Variants in PTPRT observed in about 807,000 individuals in gnomAD.
PTPRT encodes the protein receptor-type tyrosine-protein phosphatase T.
Under a neutral mutation model 176.8 loss-of-function variants are expected in PTPRT, and 56 were observed. That is an observed-to-expected ratio of 0.32 (90% CI 0.26 to 0.40). The LOEUF (loss-of-function observed/expected upper bound fraction) is 0.40, where lower values mean the gene tolerates loss of function less well. PTPRT is among the 10% of genes least tolerant of loss of function. The probability of loss-of-function intolerance (pLI) is 1.00; values close to 1 mark genes in which losing one functional copy is unlikely to be tolerated. For synonymous variants in PTPRT, 783 were observed against 739.0 expected (o/e 1.06, Z -0.96); for missense variants, 1,540 against 1,908.2 (o/e 0.81, Z 3.60).
intron 1 of PTPRT, among the ~76,000 whole-genome samples, chr20:42,970,415 C>G (rs534138872): frequency 1.3e-5 from 2 of 152,244 alleles, no homozygotes; most frequent in East Asian, 3.9e-4. Flanking sequence ...CAAATTATCA[C>G]ATTTTCTCAC....
At chr20:43,121,489 TTGTC>T (rs149845971) in intron 1 of PTPRT, among the ~76,000 whole-genome samples, 4,595 of 152,336 alleles carry the variant, frequency 0.03, 87 homozygotes, top group South Asian at 0.08. Context: ...CACAGGCATT[TTGTC>T]TGTATCAGTT....
intron 9 of PTPRT, among the ~76,000 whole-genome samples, chr20:42,421,727 TA>T (rs2059120727): frequency 6.6e-6 from 1 of 151,976 alleles, no homozygotes; most frequent in South Asian, 2.1e-4. Flanking sequence ...ATGGAACCAC[TA>T]AAAACCCTGA....
At chr20:42,277,571 A>C (rs923367963) in intron 13 of PTPRT, among the ~76,000 whole-genome samples, 3 of 152,182 alleles carry the variant, frequency 2.0e-5, no homozygotes, top group Non-Finnish European at 4.4e-5. Context: ...TGGTAGACAG[A>C]ATCTATTTGA....
chr20:42,625,669 T>C (rs1408990583), intron 7 of PTPRT, among the ~76,000 whole-genome samples: 2 of 151,940 alleles, frequency 1.3e-5, no homozygotes, highest in Non-Finnish European at 2.9e-5. Context: ...GAGTCTATAA[T>C]TCTCAGAGGA....
intron 2 of PTPRT, among the ~76,000 whole-genome samples, chr20:42,850,557 G>T (rs1779851518): frequency 6.6e-6 from 1 of 152,182 alleles, no homozygotes; most frequent in Admixed American, 6.5e-5. Flanking sequence ...TTCTACAGGC[G>T]AGTCTTTTGG....
At chr20:42,869,196 A>T (rs1393553044) in intron 2 of PTPRT, among the ~76,000 whole-genome samples, 1 of 152,018 alleles carries the variant, frequency 6.6e-6, no homozygotes, top group African/African-American at 2.4e-5. Flanking sequence ...ACTGCAGAGA[A>T]CCCCTATTAG....
chr20:42,581,393 G>A (rs1222938587), intron 7 of PTPRT, among the ~76,000 whole-genome samples: 1 of 152,130 alleles, frequency 6.6e-6, no homozygotes, highest in Non-Finnish European at 1.5e-5. Flanking sequence ...TCTCCCACAT[G>A]AAAATGTAAG....
intron 14 of PTPRT, 91 bp from the exon 15 acceptor site, chr20:42,236,349 T>A: frequency 8.8e-7 from 1 of 1,135,588 alleles, no homozygotes; most frequent in Non-Finnish European, 1.3e-6. Context: ...TTTAATGAAA[T>A]CTTGATTCTT....
Position 42,073,315 on chromosome 20 carries a change from T to C in PTPRT, c.*7564A>G, listed in dbSNP as rs914129097. On this transcript the variant is annotated 3_prime_UTR_variant, in exon 31 of 31. Transcript: ENST00000373187. The stretch of plus-strand genomic sequence containing the variant: ...AAGTGCTTTTGAGTATGATTACCAA[T>C]ATGGGTTAACCCGGATTTACATGGG... 1.6e-5 allele frequency: 3 copies of C among 188,858 alleles called. No individual in the cohort carries two copies. Among genetic ancestry groups the C allele is most frequent in the African/African-American group, 4.7e-5 (2 of 42,890 alleles). 11.7% of individuals were successfully genotyped at this position (188,858 alleles called of 1,614,324 possible). A position where few individuals can be genotyped will look rare whatever the true frequency, so the allele number is the denominator to read the frequency against.
intron 1 of PTPRT, among the ~76,000 whole-genome samples, chr20:43,164,804 T>C (rs951334447): frequency 6.6e-6 from 1 of 152,212 alleles, no homozygotes; most frequent in Non-Finnish European, 1.5e-5. Context: ...TCATAGAATC[T>C]TTGAGTACTA....
intron 7 of PTPRT, among the ~76,000 whole-genome samples, chr20:42,662,338 CT>C (rs2075238354): frequency 6.6e-6 from 1 of 152,130 alleles, no homozygotes; most frequent in South Asian, 2.1e-4. Context: ...AAGCATTGTA[CT>C]TAGAGTTCTA....
At position 42,689,126 on chromosome 20, in the gene PTPRT, A is replaced by T. The variant is rs114895843; in HGVS notation, c.860-10967T>A. The stretch of plus-strand genomic sequence containing the variant: ...CCCACAGAGCTAAGTCAGCACAGAC[A>T]TTTCTGTTTTCGCACCCAAAAAGTT... On this transcript the variant is annotated intron_variant, in intron 6 of 30. Coordinates refer to ENST00000373187, the MANE Select transcript of PTPRT (RefSeq NM_007050.6). Among the ~76,000 whole-genome samples the T allele has an allele frequency of 4.1e-3, 617 of 152,270 alleles. 7 individuals carry two copies. The Middle Eastern group carries it at 0.044, about 11-fold the overall frequency.
intron 16 of PTPRT, among the ~76,000 whole-genome samples, chr20:42,167,718 T>C (rs1459550486): frequency 2.0e-5 from 3 of 152,162 alleles, no homozygotes; most frequent in Non-Finnish European, 4.4e-5. Context: ...GAACCAACAC[T>C]GTGGGGACTG....
chr20:42,490,078 T>A (rs1372451715), intron 7 of PTPRT, among the ~76,000 whole-genome samples: 1 of 152,220 alleles, frequency 6.6e-6, no homozygotes, highest in Non-Finnish European at 1.5e-5. Flanking sequence ...TTCTTGAGCT[T>A]TCCATTCTGT....
intron 1 of PTPRT, among the ~76,000 whole-genome samples, chr20:43,040,580 C>T (rs1171080226): frequency 5.9e-5 from 9 of 152,190 alleles, no homozygotes. Flanking sequence ...TTCTACTTTC[C>T]CCAGAATGAC....
chr20:42,498,303 G>C (rs2071690206), intron 7 of PTPRT, among the ~76,000 whole-genome samples: 1 of 152,080 alleles, frequency 6.6e-6, no homozygotes, highest in Non-Finnish European at 1.5e-5. Flanking sequence ...AGGAAGGCAG[G>C]GGGCAGGGGC....
chr20:42,325,853 T>C (rs1281757914), intron 11 of PTPRT, among the ~76,000 whole-genome samples: 1 of 152,216 alleles, frequency 6.6e-6, no homozygotes. Context: ...CTTCTAATTC[T>C]TCTCCAGTTA....
intron 1 of PTPRT, among the ~76,000 whole-genome samples, chr20:43,114,225 G>A (rs556404960): frequency 2.6e-5 from 4 of 152,226 alleles, no homozygotes; most frequent in Non-Finnish European, 1.5e-5. Flanking sequence ...ACACAGGAGG[G>A]AACATGGGAG....
chr20:42,939,445 T>C (rs915783263), intron 1 of PTPRT, among the ~76,000 whole-genome samples: 2 of 152,148 alleles, frequency 1.3e-5, no homozygotes, highest in Non-Finnish European at 2.9e-5. Context: ...TTGTCTGTCT[T>C]CCCCCCTCCT....
Sources: gnomAD v4.1 joint callset for allele counts (sites outside exome capture counted in the v4.1 genomes callset) on GRCh38, gnomAD v4.1.1 for gene constraint, MANE v1.5 for transcripts, NCBI Gene and HGNC (gene_info 2026-07-23, HGNC 2026-07-21) for gene names.